ATXN2: variants seen among roughly 807,000 people sequenced by gnomAD.
ATXN2 encodes the protein ataxin-2.
ATXN2 carries 37 observed loss-of-function variants against 138.6 expected under a neutral mutation model. The observed-to-expected ratio is 0.27, with a 90% CI of 0.21 to 0.35. The LOEUF (loss-of-function observed/expected upper bound fraction) is 0.35. ATXN2 is among the 10% of genes least tolerant of loss of function. The pLI is 1.00. For synonymous variants in ATXN2, 549 were observed against 543.7 expected (o/e 1.01, Z -0.13); for missense variants, 1,216 against 1,480.3 (o/e 0.82, Z 2.93).
chr12:111,564,677 T>C (rs1882893587), intron 1 of ATXN2: 1 of 151,872 alleles, frequency 6.6e-6, no homozygotes, highest in Non-Finnish European at 1.5e-5. Flanking sequence ...TAGTCTCAGC[T>C]ACTCAAAAGG....
intron 18 of ATXN2, 197 bp downstream of exon 18, chr12:111,485,068 C>T (rs1007200923): frequency 9.7e-6 from 5 of 513,992 alleles, no homozygotes; most frequent in Non-Finnish European, 1.8e-5. Context: ...ATAATCACAA[C>T]TGATGGGCAT....
In ATXN2 at chr12:111,597,714, G is replaced by A. The variant is rs554260408; in HGVS notation, c.251+1070C>T. 368 of 589,458 alleles carry A rather than the reference G, an allele frequency of 6.2e-4. 6 individuals are homozygous for A. Among genetic ancestry groups the A allele is most frequent in the South Asian group, 5.4e-3 (360 of 67,228 alleles). 36.5% of individuals were successfully genotyped at this position (589,458 alleles called of 1,614,324 possible). ...GCCCCCAGCCCCTACTACAACCCCG[G>A]CTTAGGAGGGAAAAAGACGCTAGTA... On this transcript the variant is annotated intron_variant, in intron 1 of 24. Transcript: ENST00000673436.
intron 1 of ATXN2, among the ~76,000 whole-genome samples, chr12:111,592,282 C>T (rs1884707417): frequency 6.6e-6 from 1 of 150,486 alleles, no homozygotes. Flanking sequence ...CCCAGCTATT[C>T]GGGAGGGCTA....
At position 111,598,722 on chromosome 12, in the gene ATXN2, G is replaced by C. The variant is rs1319148079; in HGVS notation, c.251+62C>G. ...CGGGTCACGGGGCGGGGACGGCGGC[G>C]CGGGCCGCGGGGGAGGGGACGCCGG... On this transcript the variant is annotated intron_variant, in intron 1 of 24. Transcript: ENST00000673436. This position sits in a 1 kb window ranked among gnomAD's most constrained non-coding sequence, Gnocchi z 4.5. 1.0e-6 allele frequency: 1 copy of C among 989,902 alleles called. No individual in the cohort carries two copies. The highest frequency in any genetic ancestry group is 1.2e-6 in the Non-Finnish European group (1 of 802,924). 61.3% of individuals were successfully genotyped at this position (989,902 alleles called of 1,614,324 possible). A position where few individuals can be genotyped will look rare whatever the true frequency, so the allele number is the denominator to read the frequency against.
At chr12:111,532,255 G>A (rs772651378) in intron 5 of ATXN2, among the ~76,000 whole-genome samples, 3 of 152,028 alleles carry the variant, frequency 2.0e-5, no homozygotes, top group Non-Finnish European at 2.9e-5. Flanking sequence ...CAAGGCAGGC[G>A]GATCACTTGA....
chr12:111,525,480 T>C (rs1880433209), intron 5 of ATXN2, among the ~76,000 whole-genome samples, 164 bp from the exon 6 acceptor site: 1 of 152,174 alleles, frequency 6.6e-6, no homozygotes, highest in Non-Finnish European at 1.5e-5. Flanking sequence ...TGAACATAAT[T>C]TAGGTTGATG....
chr12:111,574,330 AAAAG>A (rs1883512001), intron 1 of ATXN2, among the ~76,000 whole-genome samples: 1 of 151,560 alleles, frequency 6.6e-6, no homozygotes. Flanking sequence ...AAAAAAAAAA[AAAAG>A]GTATGGAGAC....
At position 111,464,650 on chromosome 12, in the gene ATXN2, A is replaced by G. The variant is rs751316708; in HGVS notation, c.2896+12T>C. 3.0e-5 allele frequency: 48 copies of G among 1,600,100 alleles called. No homozygotes were observed. Among genetic ancestry groups the G allele is most frequent in the Non-Finnish European group, 3.9e-5 (46 of 1,168,144 alleles). ...TGTACAATTAAAAATTAGTATAAAA[A>G]ACCCAACTCACTGGCAAAGTAGAAA... On this transcript the variant is annotated intron_variant, in intron 21 of 24. Coordinates refer to ENST00000673436, the MANE Select transcript of ATXN2 (RefSeq NM_001372574.1).
chr12:111,457,182 C>T (rs575705515), intron 22 of ATXN2, 32 bp downstream of exon 22: 1 of 1,586,084 alleles, frequency 6.3e-7, no homozygotes, highest in South Asian at 1.1e-5. Flanking sequence ...GATAAAGAAG[C>T]CACTCCATGC....
chr12:111,580,674 A>AG (rs1181790698), intron 1 of ATXN2, among the ~76,000 whole-genome samples: 1 of 13,062 alleles, frequency 7.7e-5, no homozygotes, highest in African/African-American at 3.3e-4. Context: ...AAGGGGAGGG[A>AG]GGGGGGGAGA....
In ATXN2 at chr12:111,598,259, G is replaced by A. The variant is rs1352603788; in HGVS notation, c.251+525C>T. ...CCGACAGACCCTGATGATTCCGGAG[G>A]AGCCCGGTGCCTACCCCTTTAACCG... On this transcript the variant is annotated intron_variant, in intron 1 of 24. Coordinates refer to ENST00000673436, the MANE Select transcript of ATXN2 (RefSeq NM_001372574.1). The surrounding 1 kb of genome is among the most constrained non-coding windows in gnomAD (Gnocchi z 4.5). 13 of 1,025,716 alleles carry A rather than the reference G, an allele frequency of 1.3e-5. No individual in the cohort carries two copies. The African/African-American group carries it at 1.7e-4, about 14-fold the overall frequency. The allele number at this position is 1,025,716 out of a possible 1,614,324, so 63.5% of individuals were successfully genotyped here. A position where few individuals can be genotyped will look rare whatever the true frequency, so the allele number is the denominator to read the frequency against.
In ATXN2 at chr12:111,598,806, C is replaced by T; in HGVS notation, c.229G>A (p.Gly77Ser). ...PSSVVAATSG[G>S]GRPGLGRGRN... is the part of the protein sequence containing the mutation. ...CACCTGCCCAGGCCGGGCCTCCCGC[C>T]GCCGGAGGTCGCCGCGACCACCGAG... The change falls in exon 1 of 25, where the codon GGC becomes AGC. Residue 77 changes from glycine (G) to serine (S), a missense_variant. Transcript: ENST00000673436. The surrounding 1 kb of genome is among the most constrained non-coding windows in gnomAD (Gnocchi z 4.5). The T allele has an allele frequency of 1.4e-6, 2 of 1,401,368 alleles. No homozygotes were observed. The highest frequency in any genetic ancestry group is 1.8e-6 in the Non-Finnish European group (2 of 1,086,180). 86.8% of individuals were successfully genotyped at this position (1,401,368 alleles called of 1,614,324 possible). A position where few individuals can be genotyped will look rare whatever the true frequency, so the allele number is the denominator to read the frequency against.
chr12:111,557,001 T>G (rs1882428170), intron 1 of ATXN2, among the ~76,000 whole-genome samples: 1 of 152,082 alleles, frequency 6.6e-6, no homozygotes. Context: ...GTACACAAAA[T>G]TTGGCTGTCA....
chr12:111,563,157 A>G (rs1882791204), intron 1 of ATXN2, among the ~76,000 whole-genome samples: 1 of 152,230 alleles, frequency 6.6e-6, no homozygotes, highest in Non-Finnish European at 1.5e-5. Context: ...GTAATCTTCA[A>G]AAGTGTCAAG....
Position 111,584,691 on chromosome 12 carries a change from C to T in ATXN2, c.251+14093G>A, listed in dbSNP as rs369070909. Among the ~76,000 whole-genome samples, 10 of 152,026 alleles carry T rather than the reference C, an allele frequency of 6.6e-5. No homozygotes were observed. The East Asian group carries it at 1.2e-3, about 18-fold the overall frequency. Reference sequence around the variant, plus strand: ...CTAAAAATACAAAAATTAGGCCGGGCACAGGGGTTCATGCCTGTATCCCCA... The same window carrying T: ...CTAAAAATACAAAAATTAGGCCGGGTACAGGGGTTCATGCCTGTATCCCCA... On this transcript the variant is annotated intron_variant, in intron 1 of 24. Transcript: ENST00000673436.
intron 1 of ATXN2, among the ~76,000 whole-genome samples, chr12:111,579,141 T>C (rs1457392467): frequency 6.6e-6 from 1 of 152,240 alleles, no homozygotes; most frequent in Non-Finnish European, 1.5e-5. Flanking sequence ...CAGGATTATA[T>C]GTACCCTGGA....
At chr12:111,574,193 A>G (rs1283239981) in intron 1 of ATXN2, among the ~76,000 whole-genome samples, 2 of 150,756 alleles carry the variant, frequency 1.3e-5, no homozygotes, top group African/African-American at 4.9e-5. Flanking sequence ...CTGTAGTCCC[A>G]GCTACTCGGG....
intron 1 of ATXN2, among the ~76,000 whole-genome samples, chr12:111,584,618 T>A (rs1884220521): frequency 6.6e-6 from 1 of 151,558 alleles, no homozygotes. Context: ...GATTACGAGG[T>A]CAAGAGATCA....
At chr12:111,499,664 A>C (rs1000101851) in intron 14 of ATXN2, among the ~76,000 whole-genome samples, 1 of 151,738 alleles carries the variant, frequency 6.6e-6, no homozygotes, top group African/African-American at 2.4e-5. Flanking sequence ...ACAAAGTGAG[A>C]CTCTGTCTCA....
Sources: allele counts gnomAD v4.1 joint callset (sites outside exome capture counted in the v4.1 genomes callset), GRCh38; gene constraint gnomAD v4.1.1; non-coding constraint Gnocchi (gnomAD v3.1); transcripts MANE v1.5; gene names NCBI Gene and HGNC (gene_info 2026-07-23, HGNC 2026-07-21).